TP53I3: variants seen among roughly 807,000 people sequenced by gnomAD.
The protein encoded by TP53I3 is tumor protein p53 inducible protein 3.
TP53I3 carries 32 observed loss-of-function variants against 27.7 expected under a neutral mutation model. The observed-to-expected ratio is 1.16, with a 90% confidence interval of 0.87 to 1.55. TP53I3 has a LOEUF of 1.55. Ranked by LOEUF, TP53I3 falls within the 40% of genes most tolerant of loss-of-function variation. The probability of loss-of-function intolerance (pLI) is 0.00; values close to 1 mark genes in which losing one functional copy is unlikely to be tolerated. For synonymous variants in TP53I3, 138 were observed against 167.8 expected (o/e 0.82, Z 1.37); for missense variants, 372 against 412.3 (o/e 0.90, Z 0.85).
chr2:24,083,197 C>G, intron 1 of TP53I3, 45 bp from the exon 2 acceptor site: 1 of 1,532,110 alleles, frequency 6.5e-7, no homozygotes, highest in Non-Finnish European at 8.8e-7. Context: ...GATCAGAAAT[C>G]TGTATGTCAC....
chr2:24,084,479 G>A lies in TP53I3; in HGVS notation c.-153C>T, dbSNP rs1201032571. 9.7e-7 allele frequency: 1 copy of A among 1,030,718 alleles called. No homozygotes were observed. The allele number at this position is 1,030,718 out of a possible 1,614,324, so 63.8% of individuals were successfully genotyped here. A position where few individuals can be genotyped will look rare whatever the true frequency, so the allele number is the denominator to read the frequency against. On this transcript the variant is annotated 5_prime_UTR_variant, in exon 1 of 5. Coordinates refer to ENST00000238721, the MANE Select transcript of TP53I3 (RefSeq NM_004881.5). This position sits in a 1 kb window ranked among gnomAD's most constrained non-coding sequence, Gnocchi z 8.4. ...GGCTGGCACCGCAGCGCCCCCTGCC[G>A]GCCAGCGCCTCGCTGCCCTGGTCTG...
chr2:24,077,826 C>T lies in TP53I3; in HGVS notation c.817-65G>A, dbSNP rs1664826356. 6.5e-7 allele frequency: 1 copy of T among 1,540,276 alleles called. No homozygotes were observed. The highest frequency in any genetic ancestry group is 8.8e-7 in the Non-Finnish European group (1 of 1,138,176). On this transcript the variant is annotated intron_variant, in intron 4 of 4. Transcript: ENST00000238721. This position sits in a 1 kb window ranked among gnomAD's most constrained non-coding sequence, Gnocchi z 5.5. ...GCCTCACCCTGCCCTCCTCATCCTC[C>T]TCAGCCTTCTTGCTCTCTCTGAAGC...
intron 2 of TP53I3, among the ~76,000 whole-genome samples, chr2:24,081,540 A>G (rs1014151756): frequency 1.8e-4 from 27 of 152,144 alleles, no homozygotes; most frequent in Non-Finnish European, 8.8e-5. Context: ...TTCCTCCTCA[A>G]AATGTAAAGT....
chr2:24,079,748 T>A, intron 3 of TP53I3, 108 bp from the exon 4 acceptor site: 1 of 1,071,696 alleles, frequency 9.3e-7, no homozygotes, highest in Non-Finnish European at 1.4e-6. Flanking sequence ...GGTAAATCTA[T>A]AGGTTGGAAT....
In TP53I3 at chr2:24,084,095, T is replaced by A; in HGVS notation, c.138+94A>T. 1 of 1,486,720 alleles carries A rather than the reference T, an allele frequency of 6.7e-7. No individual in the cohort carries two copies. The highest frequency in any genetic ancestry group is 8.9e-7 in the Non-Finnish European group (1 of 1,120,602). 92.1% of individuals were successfully genotyped at this position (1,486,720 alleles called of 1,614,324 possible). A position where few individuals can be genotyped will look rare whatever the true frequency, so the allele number is the denominator to read the frequency against. The stretch of plus-strand genomic sequence containing the variant: ...CAGCTGCCTGCTGGGTGTGGAGCGG[T>A]GCACGCCTTCACGTCTGGTCAATGT... On this transcript the variant is annotated intron_variant, in intron 1 of 4. Coordinates refer to ENST00000238721, the MANE Select transcript of TP53I3 (RefSeq NM_004881.5). The surrounding 1 kb of genome is among the most constrained non-coding windows in gnomAD (Gnocchi z 8.4).
At chr2:24,081,066 C>T (rs754188822) in intron 2 of TP53I3, 35 bp from the exon 3 acceptor site, 2 of 1,577,290 alleles carry the variant, frequency 1.3e-6, no homozygotes, top group South Asian at 2.2e-5. Flanking sequence ...CTTTACTTTG[C>T]AACTGCTACA....
Position 24,083,172 on chromosome 2 carries a change from C to T in TP53I3, c.139-20G>A, listed in dbSNP as rs750128704. 1.3e-6 allele frequency: 2 copies of T among 1,579,674 alleles called. No individual in the cohort carries two copies. Among genetic ancestry groups the T allele is most frequent in the South Asian group, 1.1e-5 (1 of 87,436 alleles). Reference sequence around the variant, plus strand: ...TTGTCTCTGCAGAGAAAGAAGTGCACTAAGTGGTGAGCATGATCAGAAATC... The same window carrying T: ...TTGTCTCTGCAGAGAAAGAAGTGCATTAAGTGGTGAGCATGATCAGAAATC... On this transcript the variant is annotated intron_variant, in intron 1 of 4. Transcript: ENST00000238721.
chr2:24,084,550 G>A lies in TP53I3; in HGVS notation c.-224C>T. ...CCGAGCTCCTGCCTGGGAAGTCCTCGGCCGCCTCCAGACCGATCCCACCCG... is the reference window on the plus strand; with the variant it reads ...CCGAGCTCCTGCCTGGGAAGTCCTCAGCCGCCTCCAGACCGATCCCACCCG... On this transcript the variant is annotated 5_prime_UTR_variant, in exon 1 of 5. Transcript: ENST00000238721. This position sits in a 1 kb window ranked among gnomAD's most constrained non-coding sequence, Gnocchi z 8.4. The A allele has an allele frequency of 1.8e-6, 1 of 569,082 alleles. No individual in the cohort carries two copies. Among genetic ancestry groups the A allele is most frequent in the Non-Finnish European group, 2.9e-6 (1 of 342,218 alleles). 35.3% of individuals were successfully genotyped at this position (569,082 alleles called of 1,614,324 possible).
In TP53I3 at chr2:24,080,345, A is replaced by C. The variant is rs1315528336; in HGVS notation, c.619+474T>G. Among the ~76,000 whole-genome samples, 1 of 149,522 alleles carries C rather than the reference A, an allele frequency of 6.7e-6. No individual in the cohort carries two copies. The highest frequency in any genetic ancestry group is 1.9e-4 in the East Asian group (1 of 5,162). ...ACGCCATCCTCAGTGACAGAGTGAGACTCCATCTCAAAAAAAAAAAAGAAA... is the reference window on the plus strand; with the variant it reads ...ACGCCATCCTCAGTGACAGAGTGAGCCTCCATCTCAAAAAAAAAAAAGAAA... On this transcript the variant is annotated intron_variant, in intron 3 of 4. Transcript: ENST00000238721. This position sits in a 1 kb window ranked among gnomAD's most constrained non-coding sequence, Gnocchi z 4.7.
chr2:24,077,912 A>C lies in TP53I3; in HGVS notation c.817-151T>G. On this transcript the variant is annotated intron_variant, in intron 4 of 4. Transcript: ENST00000238721. The surrounding 1 kb of genome is among the most constrained non-coding windows in gnomAD (Gnocchi z 5.5). ...CCTCACTTCCTAGCATGTGTGTGAA[A>C]TACCCTTGAAGGAGTCATGTGCCAT... The C allele has an allele frequency of 1.3e-6, 1 of 776,460 alleles. No homozygotes were observed. Among genetic ancestry groups the C allele is most frequent in the East Asian group, 2.6e-5 (1 of 37,792 alleles). The allele number at this position is 776,460 out of a possible 1,614,324, so 48.1% of individuals were successfully genotyped here.
rs373343986 is a variant in TP53I3, at chr2:24,080,918, A to T, written c.520T>A (p.Ser174Thr). The change falls in exon 3 of 5, where the codon TCC becomes ACC. Residue 174 changes from serine to threonine, a missense_variant. Ser to Thr is a moderately conservative substitution (Grantham distance 58). Coordinates refer to ENST00000238721, the MANE Select transcript of TP53I3 (RefSeq NM_004881.5). This position sits in a 1 kb window ranked among gnomAD's most constrained non-coding sequence, Gnocchi z 4.7. ...AGAIPLVTAGSQKKLQMAEKL... is the reference protein window; with the variant it reads ...AGAIPLVTAGTQKKLQMAEKL... ...TCTGCCATTTGAAGCTTCTTCTGGG[A>T]GCCAGCTGTGACCAGAGGAATAGCT... The T allele has an allele frequency of 3.7e-6, 6 of 1,614,048 alleles. No individual in the cohort carries two copies. In the African/African-American group the frequency reaches 8.0e-5, roughly 22 times the overall value.
At chr2:24,079,187 T>A in intron 4 of TP53I3, 1 of 476,776 alleles carries the variant, frequency 2.1e-6, no homozygotes, top group Non-Finnish European at 3.8e-6. Flanking sequence ...ATATAGTCAG[T>A]GCTTTCTTCA....
chr2:24,077,707 TGGA>T lies in TP53I3; in HGVS notation c.868_870del (p.Ser290del). 6.2e-7 allele frequency: 1 copy of T among 1,614,066 alleles called. No homozygotes were observed. Among genetic ancestry groups the T allele is most frequent in the Admixed American group, 1.7e-5 (1 of 60,004 alleles). On this transcript the variant is annotated inframe_deletion, in exon 5 of 5. Coordinates refer to ENST00000238721, the MANE Select transcript of TP53I3 (RefSeq NM_004881.5). This position sits in a 1 kb window ranked among gnomAD's most constrained non-coding sequence, Gnocchi z 5.5. ...GGCAGCAGACGTTGGGGGCCCTCCGTGGAGAAGTGAGGCAGAATTTGCTCCGTG... is the reference window on the plus strand; with the variant it reads ...GGCAGCAGACGTTGGGGGCCCTCCGTGAAGTGAGGCAGAATTTGCTCCGTG...
rs1558357136 is a variant in TP53I3 at position 24,077,654 on chromosome 2, G to A, written c.924C>T (p.Thr308=). 1.9e-6 allele frequency: 3 copies of A among 1,614,068 alleles called. No homozygotes were observed. Among genetic ancestry groups the A allele is most frequent in the Admixed American group, 1.7e-5 (1 of 60,016 alleles). Residue 308 remains threonine (T), a synonymous_variant, in exon 5 of 5, where the codon ACC becomes ACT. Coordinates refer to ENST00000238721, the MANE Select transcript of TP53I3 (RefSeq NM_004881.5). This position sits in a 1 kb window ranked among gnomAD's most constrained non-coding sequence, Gnocchi z 5.5. ...TGTACTTATGGGCCTCCTGGATTTCGGTCACTGGGTAGATTCTGTCCAGAA... is the reference window on the plus strand; with the variant it reads ...TGTACTTATGGGCCTCCTGGATTTCAGTCACTGGGTAGATTCTGTCCAGAA... ...LPVLDRIYPV[T]EIQEAHKYME...
Position 24,084,420 on chromosome 2 carries a change from G to GCAGGACA in TP53I3, c.-95_-94insTGTCCTG. On this transcript the variant is annotated 5_prime_UTR_variant, in exon 1 of 5. Coordinates refer to ENST00000238721, the MANE Select transcript of TP53I3 (RefSeq NM_004881.5). This position sits in a 1 kb window ranked among gnomAD's most constrained non-coding sequence, Gnocchi z 8.4. ...GCAGGGCAGGACAGGACAGGGCAGG[G>GCAGGACA]GCCGCTGTATCCTCGCGGAGCAGCC... The GCAGGACA allele has an allele frequency of 2.3e-6, 3 of 1,277,684 alleles. No individual in the cohort carries two copies. The highest frequency in any genetic ancestry group is 1.7e-5 in the South Asian group (1 of 59,008). 79.1% of individuals were successfully genotyped at this position (1,277,684 alleles called of 1,614,324 possible). A position where few individuals can be genotyped will look rare whatever the true frequency, so the allele number is the denominator to read the frequency against.
At chr2:24,083,208 T>C (rs2150986807) in intron 1 of TP53I3, 56 bp from the exon 2 acceptor site, 1 of 1,505,048 alleles carries the variant, frequency 6.6e-7, no homozygotes, top group Non-Finnish European at 8.9e-7. Context: ...TGTATGTCAC[T>C]ACCCCTGGCC....
Position 24,084,244 on chromosome 2 carries a change from C to T in TP53I3, c.83G>A (p.Gly28Asp). Residue 28 changes from glycine (G) to aspartate (D), a missense_variant, in exon 1 of 5, where the codon GGT (glycine) becomes GAT (aspartate). Gly to Asp is a moderately conservative substitution (Grantham distance 94). Coordinates refer to ENST00000238721, the MANE Select transcript of TP53I3 (RefSeq NM_004881.5). The surrounding 1 kb of genome is among the most constrained non-coding windows in gnomAD (Gnocchi z 8.4). ...KEVAKPSPGE[G>D]EVLLKVAASA... The stretch of plus-strand genomic sequence containing the variant: ...GGCCGCCACCTTCAGGAGGACTTCA[C>T]CCTCCCCCGGGCTCGGCTTGGCCAC... The T allele has an allele frequency of 6.2e-7, 1 of 1,614,090 alleles. No homozygotes were observed. The highest frequency in any genetic ancestry group is 1.1e-5 in the South Asian group (1 of 91,074).
chr2:24,082,779 T>C, intron 2 of TP53I3, 106 bp downstream of exon 2: 2 of 1,408,694 alleles, frequency 1.4e-6, no homozygotes, highest in Non-Finnish European at 1.9e-6. Context: ...ATACAGGTGA[T>C]ACAGGAAGGC....
rs1399484044 is a variant in TP53I3, at chr2:24,080,350, A to G, written c.619+469T>C. On this transcript the variant is annotated intron_variant, in intron 3 of 4. Transcript: ENST00000238721. This position sits in a 1 kb window ranked among gnomAD's most constrained non-coding sequence, Gnocchi z 4.7. ...ATCCTCAGTGACAGAGTGAGACTCC[A>G]TCTCAAAAAAAAAAAAGAAAGAGAA... Among the ~76,000 whole-genome samples, 2 of 148,318 alleles carry G rather than the reference A, an allele frequency of 1.3e-5. No homozygotes were observed. Among genetic ancestry groups the G allele is most frequent in the African/African-American group, 4.9e-5 (2 of 40,674 alleles).
Sources: allele counts gnomAD v4.1 joint callset (sites outside exome capture counted in the v4.1 genomes callset), GRCh38; gene constraint gnomAD v4.1.1; non-coding constraint Gnocchi (gnomAD v3.1); transcripts MANE v1.5; gene names NCBI Gene and HGNC (gene_info 2026-07-23, HGNC 2026-07-21).